The following TG variants were observed in gnomAD, a reference collection of about 807,000 sequenced individuals.
TG encodes thyroid hormones.
In TG, 270 loss-of-function variants were observed where a neutral mutation model predicts 324.7. The observed-to-expected ratio is 0.83, with a 90% confidence interval of 0.75 to 0.92. TG has a LOEUF of 0.92. Among genes scored for constraint, TG ranks in the 40% least tolerant of loss-of-function variants. TG has a pLI of 0.00. For missense variants in TG, 3,591 were observed against 3,456.4 expected (o/e 1.04, Z -0.98); for synonymous variants, 1,401 against 1,327.0 (o/e 1.06, Z -1.21).
intron 45 of TG, among the ~76,000 whole-genome samples, chr8:133,125,554 G>A (rs533190302): frequency 8.5e-5 from 13 of 152,342 alleles, no homozygotes; most frequent in Admixed American, 2.0e-4. Context: ...CCAATTTGGA[G>A]ATCAGCAGGT....
chr8:132,912,923 A>ACAC, intron 19 of TG, 124 bp from the exon 20 acceptor site: 1 of 927,480 alleles, frequency 1.1e-6, no homozygotes, highest in South Asian at 1.5e-5. Flanking sequence ...GTAAAATGAG[A>ACAC]CACCACATGA....
At chr8:132,935,947 G>T in intron 25 of TG, 83 bp downstream of exon 25, 1 of 1,089,472 alleles carries the variant, frequency 9.2e-7, no homozygotes, top group South Asian at 1.3e-5. Context: ...AGGTGCATGT[G>T]AGGAGGAGCC....
At chr8:132,917,053 C>A (rs1378228115) in intron 20 of TG, among the ~76,000 whole-genome samples, 1 of 126,990 alleles carries the variant, frequency 7.9e-6, no homozygotes, top group Non-Finnish European at 1.7e-5. Flanking sequence ...CTCCTTCCTT[C>A]CTTCCTTCCT....
intron 19 of TG, among the ~76,000 whole-genome samples, chr8:132,911,908 A>G (rs1304121901): frequency 2.0e-5 from 3 of 152,204 alleles, no homozygotes; most frequent in African/African-American, 7.2e-5. Flanking sequence ...CACTTACACC[A>G]TTTAAAACAG....
intron 36 of TG, 59 bp from the exon 37 acceptor site, chr8:133,013,541 G>A: frequency 6.2e-7 from 1 of 1,602,358 alleles, no homozygotes; most frequent in Non-Finnish European, 8.5e-7. Context: ...CTGGAAGAAT[G>A]CATGAGTGAA....
At chr8:133,069,855 A>C (rs1327032353) in intron 41 of TG, among the ~76,000 whole-genome samples, 1 of 151,822 alleles carries the variant, frequency 6.6e-6, no homozygotes, top group East Asian at 1.9e-4. Context: ...TACAAAAATC[A>C]GCTGGGCGTG....
At chr8:132,994,413 T>G (rs1832676191) in intron 35 of TG, among the ~76,000 whole-genome samples, 1 of 152,168 alleles carries the variant, frequency 6.6e-6, no homozygotes, top group Non-Finnish European at 1.5e-5. Flanking sequence ...GGGGGAAATA[T>G]TTTAGGCAGG....
intron 43 of TG, among the ~76,000 whole-genome samples, chr8:133,096,827 G>A (rs1848489705): frequency 1.3e-5 from 2 of 152,212 alleles, no homozygotes; most frequent in Non-Finnish European, 1.5e-5. Context: ...CTAGTAAAGA[G>A]AGCACGCACA....
intron 27 of TG, 48 bp downstream of exon 27, chr8:132,948,991 C>T (rs775663782): frequency 8.3e-6 from 13 of 1,567,552 alleles, no homozygotes; most frequent in African/African-American, 6.7e-5. Flanking sequence ...ACTCTTCACA[C>T]GAGCAAGGCC....
intron 22 of TG, among the ~76,000 whole-genome samples, chr8:132,925,516 C>CGTGTGTGTGTGT (rs139966752): frequency 0.099 from 14,281 of 144,678 alleles, 894 homozygotes; most frequent in Non-Finnish European, 0.13. Context: ...CTAAGGAGTG[C>CGTGTGTGTGTGT]GTGTGTGTGT....
chr8:133,056,885 C>T (rs1564129017), intron 41 of TG, among the ~76,000 whole-genome samples: 1 of 152,120 alleles, frequency 6.6e-6, no homozygotes, highest in Non-Finnish European at 1.5e-5. Flanking sequence ...TACAGAGTCC[C>T]CAGGAACTCC....
intron 27 of TG, among the ~76,000 whole-genome samples, chr8:132,954,187 C>T (rs1826520113): frequency 6.6e-6 from 1 of 152,042 alleles, no homozygotes. Context: ...ACCTGTGGTA[C>T]TCATTGCAAT....
chr8:132,888,301 G>A lies in TG; in HGVS notation c.2494G>A (p.Val832Ile), dbSNP rs780655110. 14 of 1,614,220 alleles carry A rather than the reference G, an allele frequency of 8.7e-6. No individual in the cohort carries two copies. Among genetic ancestry groups the A allele is most frequent in the Non-Finnish European group, 1.2e-5 (14 of 1,180,048 alleles). ...TCTGTATGAGGCTGGCCAGCAAGAT[G>A]TCTTCCCGGTGCTGTCACAATACCC... The part of the protein sequence containing the change: ...QSLYEAGQQD[V>I]FPVLSQYPSL... The change falls in exon 10 of 48, where the codon GTC (valine) becomes ATC (isoleucine). Residue 832 changes from valine (V) to isoleucine (I), a missense_variant. By Grantham distance (29) the Val-to-Ile change is conservative. Transcript: ENST00000220616.
intron 32 of TG, 75 bp downstream of exon 32, chr8:132,969,644 TA>T: frequency 8.5e-7 from 1 of 1,171,348 alleles, no homozygotes; most frequent in Non-Finnish European, 1.3e-6. Flanking sequence ...CAATCACAGC[TA>T]AAAACAGAAG....
At chr8:132,963,442 C>A (rs550619257) in intron 29 of TG, among the ~76,000 whole-genome samples, 1 of 152,308 alleles carries the variant, frequency 6.6e-6, no homozygotes, top group African/African-American at 2.4e-5. Flanking sequence ...GAAATTGTTT[C>A]ATGAATGACA....
intron 41 of TG, among the ~76,000 whole-genome samples, chr8:133,071,636 C>G (rs147963459): frequency 9.2e-5 from 14 of 151,430 alleles, no homozygotes; most frequent in Non-Finnish European, 1.6e-4. Flanking sequence ...TGGCATGCAG[C>G]GGGGAGAGGG....
At position 132,972,488 on chromosome 8, in the gene TG, C is replaced by T. The variant is rs188135023; in HGVS notation, c.6056-110C>T. On this transcript the variant is annotated intron_variant, in intron 33 of 47. Coordinates refer to ENST00000220616, the MANE Select transcript of TG (RefSeq NM_003235.5). The stretch of plus-strand genomic sequence containing the variant: ...AGTATCTGAAATATAGTGGTGTATC[C>T]CAAATGTCTGCTGAACAATGTACTT... 1,295 of 1,302,402 alleles carry T rather than the reference C, an allele frequency of 9.9e-4. 15 individuals carry two copies. In the African/African-American group the frequency reaches 0.017, roughly 18 times the overall value. The allele number at this position is 1,302,402 out of a possible 1,614,324, so 80.7% of individuals were successfully genotyped here.
intron 1 of TG, among the ~76,000 whole-genome samples, chr8:132,867,449 A>G (rs1188164128): frequency 6.6e-6 from 1 of 152,016 alleles, no homozygotes; most frequent in Admixed American, 6.5e-5. Flanking sequence ...CTACCTATGA[A>G]GTGAAATAGC....
rs188620261 is a variant in TG, at chr8:132,899,885, A to G, written c.3331-352A>G. ...CTGGAATTAGTGAGGCTGGTCCAGG[A>G]GCATGGCTAGGCTTTGGGTCTAGAT... On this transcript the variant is annotated intron_variant, in intron 14 of 47. Transcript: ENST00000220616. Among the ~76,000 whole-genome samples, 191 of 152,304 alleles carry G rather than the reference A, an allele frequency of 1.3e-3. 1 individual carries two copies. The highest frequency in any genetic ancestry group is 8.2e-4 in the Non-Finnish European group (56 of 68,024).
Sources: allele counts gnomAD v4.1 joint callset (sites outside exome capture counted in the v4.1 genomes callset), GRCh38; gene constraint gnomAD v4.1.1; transcripts MANE v1.5; gene names NCBI Gene and HGNC (gene_info 2026-07-23, HGNC 2026-07-21).